EPM2A: variants seen among roughly 807,000 people sequenced by gnomAD.
EPM2A encodes the protein EPM2A glucan phosphatase, laforin.
Under a neutral mutation model 26.5 loss-of-function variants are expected in EPM2A, and 21 were observed. The ratio of observed to expected loss-of-function variants is 0.79; its 90% CI spans 0.56 to 1.14. The LOEUF is 1.14. Ranked by LOEUF, EPM2A falls within the 50% of genes most tolerant of loss-of-function variation. The probability of loss-of-function intolerance (pLI) is 0.00; values close to 1 mark genes in which losing one functional copy is unlikely to be tolerated. For synonymous variants in EPM2A, 217 were observed against 177.6 expected, an observed-to-expected ratio of 1.22 and a Z score of -1.76; for missense variants, 458 against 440.8, an observed-to-expected ratio of 1.04 and a Z score of -0.35.
At chr6:145,562,478 A>C (rs1780820368) in intron 2 of EPM2A, among the ~76,000 whole-genome samples, 1 of 152,192 alleles carries the variant, frequency 6.6e-6, no homozygotes, top group Non-Finnish European at 1.5e-5. Flanking sequence ...AAATTAAATA[A>C]ATCACTAGAG....
chr6:145,537,846 T>C (rs1206096187), intron 2 of EPM2A, among the ~76,000 whole-genome samples: 3 of 151,400 alleles, frequency 2.0e-5, no homozygotes, highest in South Asian at 2.1e-4. Flanking sequence ...AGTGAGAACA[T>C]GCAGTGTTTG....
intron 4 of EPM2A, among the ~76,000 whole-genome samples, chr6:145,429,125 G>A (rs1778889012): frequency 6.6e-6 from 1 of 151,832 alleles, no homozygotes; most frequent in African/African-American, 2.4e-5. Context: ...CTATTTTGAT[G>A]ATCAAATTTA....
chr6:145,496,514 T>C (rs1450051946), intron 4 of EPM2A, among the ~76,000 whole-genome samples: 1 of 152,206 alleles, frequency 6.6e-6, no homozygotes, highest in Non-Finnish European at 1.5e-5. Flanking sequence ...TCAGAGGTTT[T>C]GTTCATTCCT....
At chr6:145,682,621 A>G (rs1310460223) in intron 2 of EPM2A, 1 of 152,186 alleles carries the variant, frequency 6.6e-6, no homozygotes, top group Non-Finnish European at 1.5e-5. Context: ...AGCAAGGATC[A>G]TGTCTCTCCA....
At chr6:145,407,670 G>T (rs1459322882) in intron 4 of EPM2A, among the ~76,000 whole-genome samples, 30 of 152,194 alleles carry the variant, frequency 2.0e-4, no homozygotes, top group Non-Finnish European at 1.5e-4. Flanking sequence ...TCCCTTTATA[G>T]CTTTAAATAA....
rs569359255 is a variant in EPM2A, at chr6:145,411,391, A to G, written c.556-27294T>C. 3.9e-4 allele frequency among the ~76,000 whole-genome samples: 60 copies of G among 152,346 alleles called. No individual in the cohort carries two copies. The South Asian group carries it at 4.1e-3, about 11-fold the overall frequency. On this transcript the variant is annotated intron_variant, in intron 4 of 4. Coordinates refer to the EPM2A transcript ENST00000638717. Reference sequence around the variant, plus strand: ...TTAAGAATGGAAACAATCATCATCAAGATATATTTGCTACATATCTAATTA... The same window carrying G: ...TTAAGAATGGAAACAATCATCATCAGGATATATTTGCTACATATCTAATTA...
chr6:145,515,535 G>T (rs1342351209), intron 2 of EPM2A, among the ~76,000 whole-genome samples: 1 of 152,158 alleles, frequency 6.6e-6, no homozygotes, highest in Admixed American at 6.6e-5. Context: ...CATACACAGA[G>T]ATCTTCTCAC....
exon 4 of EPM2A, chr6:145,501,746 C>A: frequency 4.3e-6 from 2 of 469,198 alleles, no homozygotes; most frequent in Non-Finnish European, 8.8e-6. Flanking sequence ...GAGCTTGCAC[C>A]AGTCGTCACC....
chr6:145,488,269 CT>C (rs892445756), intron 4 of EPM2A, among the ~76,000 whole-genome samples: 3 of 152,122 alleles, frequency 2.0e-5, no homozygotes, highest in African/African-American at 7.2e-5. Context: ...CAGCTTTGTT[CT>C]TTTTAGTTAG....
At chr6:145,491,291 C>T (rs1582795660) in intron 4 of EPM2A, 1 of 350,754 alleles carries the variant, frequency 2.9e-6, no homozygotes, top group Admixed American at 4.1e-5. Flanking sequence ...CTCATTGGAA[C>T]CGGTTGCACT....
intron 4 of EPM2A, among the ~76,000 whole-genome samples, chr6:145,395,432 G>T (rs1284423525): frequency 6.6e-6 from 1 of 152,100 alleles, no homozygotes; most frequent in Non-Finnish European, 1.5e-5. Flanking sequence ...ATTAAGATTA[G>T]AGTCAACAAT....
chr6:145,537,008 G>T (rs755892342), intron 2 of EPM2A, among the ~76,000 whole-genome samples: 4 of 152,230 alleles, frequency 2.6e-5, no homozygotes, highest in South Asian at 2.1e-4. Context: ...TTGGCTAGGG[G>T]TACATTTTTG....
At chr6:145,642,647 C>T (rs929538125) in intron 2 of EPM2A, among the ~76,000 whole-genome samples, 4 of 151,988 alleles carry the variant, frequency 2.6e-5, no homozygotes, top group East Asian at 1.9e-4. Context: ...TACAGGGGAA[C>T]GAGATTTTAG....
Position 145,711,612 on chromosome 6 carries a change from G to A in EPM2A, c.301+23586C>T, listed in dbSNP as rs1179418262. On this transcript the variant is annotated intron_variant, in intron 1 of 3. Transcript: ENST00000367519. Reference sequence around the variant, plus strand: ...AGCTTGAGATAAGAAATGATGTCATGAAAGAGCTCAAAGAGCACCTAAATC... The same window carrying A: ...AGCTTGAGATAAGAAATGATGTCATAAAAGAGCTCAAAGAGCACCTAAATC... 3.3e-5 allele frequency among the ~76,000 whole-genome samples: 5 copies of A among 152,282 alleles called. No homozygotes were observed. The East Asian group carries it at 7.7e-4, about 24-fold the overall frequency.
chr6:145,668,886 A>G lies in EPM2A; in HGVS notation c.476+17236T>C, dbSNP rs996597095. 3.3e-5 allele frequency among the ~76,000 whole-genome samples: 5 copies of G among 152,298 alleles called. No individual in the cohort carries two copies. The South Asian group carries it at 8.3e-4, about 25-fold the overall frequency. On this transcript the variant is annotated intron_variant, in intron 2 of 3. Transcript: ENST00000367519. Reference sequence around the variant, plus strand: ...CCAGAGTCCTGCTACAGGACCATCAAACACACCATATGGTCTTTGGATAGA... The same window carrying G: ...CCAGAGTCCTGCTACAGGACCATCAGACACACCATATGGTCTTTGGATAGA...
intron 2 of EPM2A, among the ~76,000 whole-genome samples, chr6:145,661,321 T>C (rs1012617202): frequency 1.3e-5 from 2 of 152,234 alleles, no homozygotes; most frequent in African/African-American, 4.8e-5. Flanking sequence ...ATCTTGAGTG[T>C]ATATTTTTTC....
chr6:145,455,420 G>A (rs1779251449), intron 4 of EPM2A, among the ~76,000 whole-genome samples: 1 of 151,988 alleles, frequency 6.6e-6, no homozygotes, highest in Non-Finnish European at 1.5e-5. Flanking sequence ...TACAGTGGCG[G>A]GATCTTGCCT....
rs950503873 is a variant in EPM2A, at chr6:145,446,761, T to C, written c.555+55761A>G. ...AAAATCGTCCCACACATGCATAACT[T>C]TGGAGTCAACAAAATACTCAAAAGG... On this transcript the variant is annotated intron_variant, in intron 4 of 4. Coordinates refer to the EPM2A transcript ENST00000638717. Among the ~76,000 whole-genome samples the C allele has an allele frequency of 3.3e-5, 5 of 152,064 alleles. 1 individual carries two copies. Among genetic ancestry groups the C allele is most frequent in the Admixed American group, 3.3e-4 (5 of 15,278 alleles).
chr6:145,611,966 C>G (rs961745179), intron 2 of EPM2A, among the ~76,000 whole-genome samples: 1 of 152,140 alleles, frequency 6.6e-6, no homozygotes, highest in Non-Finnish European at 1.5e-5. Flanking sequence ...ATCTACCAAT[C>G]AAGTCAACAT....
Sources: gnomAD v4.1 joint callset for allele counts (sites outside exome capture counted in the v4.1 genomes callset) on GRCh38, gnomAD v4.1.1 for gene constraint, MANE v1.5 for transcripts, NCBI Gene and HGNC (gene_info 2026-07-23, HGNC 2026-07-21) for gene names.